Variants in EPN1 observed in about 807,000 individuals in gnomAD.
EPN1 encodes epsin-1.
In EPN1, 25 loss-of-function variants were observed where a neutral mutation model predicts 56.9. The observed-to-expected ratio is 0.44, with a 90% CI of 0.32 to 0.61. The LOEUF is 0.61. Ranked by LOEUF, EPN1 falls within the 20% of genes least tolerant of loss-of-function variation. EPN1 has a pLI of 0.05. For missense variants in EPN1, 785 were observed against 823.7 expected (o/e 0.95, Z 0.58); for synonymous variants, 411 against 361.8 (o/e 1.14, Z -1.54).
At position 55,694,644 on chromosome 19, in the gene EPN1, C is replaced by T. The variant is rs903191048; in HGVS notation, c.1265-82C>T. 6.9e-7 allele frequency: 1 copy of T among 1,458,348 alleles called. No individual in the cohort carries two copies. The highest frequency in any genetic ancestry group is 1.4e-5 in the African/African-American group (1 of 70,824). 90.3% of individuals were successfully genotyped at this position (1,458,348 alleles called of 1,614,324 possible). A position where few individuals can be genotyped will look rare whatever the true frequency, so the allele number is the denominator to read the frequency against. ...TGGGCACCGGGCTCTTTGAAGCGCCCCCTATGATGGCCTATACTGCTCCCG... is the reference window on the plus strand; with the variant it reads ...TGGGCACCGGGCTCTTTGAAGCGCCTCCTATGATGGCCTATACTGCTCCCG... On this transcript the variant is annotated intron_variant, in intron 9 of 10. Transcript: ENST00000270460. The surrounding 1 kb of genome is among the most constrained non-coding windows in gnomAD (Gnocchi z 4.2).
Position 55,704,141 on chromosome 19 carries a change from C to T in EPN1, c.*8785C>T, listed in dbSNP as rs1418051119. 1 of 152,554 alleles carries T rather than the reference C, an allele frequency of 6.6e-6. No individual in the cohort carries two copies. The highest frequency in any genetic ancestry group is 2.4e-5 in the African/African-American group (1 of 41,456). The allele number at this position is 152,554 out of a possible 1,614,324, so 9.5% of individuals were successfully genotyped here. A position where few individuals can be genotyped will look rare whatever the true frequency, so the allele number is the denominator to read the frequency against. On this transcript the variant is annotated 3_prime_UTR_variant, in exon 11 of 11. Transcript: ENST00000270460. ...TCCTCCTGGTCCCCACCTTCCAGCC[C>T]AGCGCGCACACTAGACGGCACGTGC...
At chr19:55,676,747 T>A (rs770703428) in intron 1 of EPN1, 2 of 156,456 alleles carry the variant, frequency 1.3e-5, no homozygotes, top group Non-Finnish European at 2.8e-5. Context: ...ATTTTTCTTA[T>A]CTCTTATTTC....
chr19:55,685,727 T>A, intron 3 of EPN1, 82 bp downstream of exon 3: 1 of 1,502,948 alleles, frequency 6.7e-7, no homozygotes. Flanking sequence ...CGCCCACTGC[T>A]TTCTCTCCCA....
chr19:55,690,220 C>T (rs762417950), intron 6 of EPN1, among the ~76,000 whole-genome samples: 42 of 152,368 alleles, frequency 2.8e-4, no homozygotes, highest in Admixed American at 1.2e-3. Context: ...CACCACCGGC[C>T]GCCACAGCTG....
At chr19:55,690,786 G>A (rs986217353) in intron 6 of EPN1, among the ~76,000 whole-genome samples, 1 of 152,196 alleles carries the variant, frequency 6.6e-6, no homozygotes, top group African/African-American at 2.4e-5. Context: ...CATGGGAGGC[G>A]GCAGACAGCT....
intron 2 of EPN1, among the ~76,000 whole-genome samples, chr19:55,682,856 A>C (rs1309567056): frequency 1.3e-5 from 2 of 152,128 alleles, no homozygotes. Context: ...TCCCAGGTTC[A>C]AGCAATTCTC....
intron 3 of EPN1, 115 bp downstream of exon 3, chr19:55,685,760 C>A: frequency 7.4e-7 from 1 of 1,349,614 alleles, no homozygotes; most frequent in Non-Finnish European, 1.0e-6. Context: ...CGCGGCATCC[C>A]CCTTTGCTTC....
chr19:55,702,805 T>G lies in EPN1; in HGVS notation c.*7449T>G, dbSNP rs1987206676. 6.7e-6 allele frequency: 1 copy of G among 150,026 alleles called. No individual in the cohort carries two copies. Among genetic ancestry groups the G allele is most frequent in the South Asian group, 2.1e-4 (1 of 4,654 alleles). The allele number at this position is 150,026 out of a possible 1,614,324, so 9.3% of individuals were successfully genotyped here. A position where few individuals can be genotyped will look rare whatever the true frequency, so the allele number is the denominator to read the frequency against. On this transcript the variant is annotated 3_prime_UTR_variant, in exon 11 of 11. Transcript: ENST00000270460. ...TCCTTTCTTTTCTTTCACTGTTGTT[T>G]TTTTTTTGAGACGGAGTCTTGCACT... is the stretch of plus-strand genomic sequence containing the variant.
chr19:55,676,186 T>C (rs1985408312), intron 1 of EPN1, among the ~76,000 whole-genome samples: 1 of 152,258 alleles, frequency 6.6e-6, no homozygotes, highest in Non-Finnish European at 1.5e-5. Flanking sequence ...TGCCTGACGG[T>C]ATCTGACACA....
rs1987474979 is a variant in EPN1 at position 55,707,351 on chromosome 19, GAAA to G, written c.*11996_*11998del. ...AGCAGACCCTGACTCTAAAACAAAA[GAAA>G]GAACAAATAACAAATGAAAATAAAT... On this transcript the variant is annotated 3_prime_UTR_variant, in exon 11 of 11. Coordinates refer to ENST00000270460, the MANE Select transcript of EPN1 (RefSeq NM_001130072.2). 1 of 152,128 alleles carries G rather than the reference GAAA, an allele frequency of 6.6e-6. No homozygotes were observed. The highest frequency in any genetic ancestry group is 2.4e-5 in the African/African-American group (1 of 41,386). 9.4% of individuals were successfully genotyped at this position (152,128 alleles called of 1,614,324 possible). A position where few individuals can be genotyped will look rare whatever the true frequency, so the allele number is the denominator to read the frequency against.
rs1168047168 is a variant in EPN1, at chr19:55,689,386, C to T, written c.678+15C>T. 1.3e-6 allele frequency: 2 copies of T among 1,548,484 alleles called. No homozygotes were observed. The highest frequency in any genetic ancestry group is 1.2e-5 in the South Asian group (1 of 83,986). On this transcript the variant is annotated intron_variant, in intron 5 of 10. Coordinates refer to ENST00000270460, the MANE Select transcript of EPN1 (RefSeq NM_001130072.2). The surrounding 1 kb of genome is among the most constrained non-coding windows in gnomAD (Gnocchi z 5.7). ...AGCATGATAAGGTCAGAGCAGCCTC[C>T]CTGTCCCTGCCCCTGCCAGGGGCTC...
Position 55,689,873 on chromosome 19 carries a change from C to T in EPN1, c.685C>T (p.Arg229Trp), listed in dbSNP as rs543696962. 1.6e-5 allele frequency: 25 copies of T among 1,601,058 alleles called. No homozygotes were observed. The highest frequency in any genetic ancestry group is 2.3e-5 in the East Asian group (1 of 44,294). ...LSREEHDKEERIRRGDDLRLQ... is the reference protein window; with the variant it reads ...LSREEHDKEEWIRRGDDLRLQ... ...CGTGCCCGTGCCCCAACAGGAGGAG[C>T]GGATCCGTCGCGGGGATGACCTGCG... The change falls in exon 6 of 11, where the codon CGG (arginine) becomes TGG (tryptophan). Residue 229 changes from arginine to tryptophan, a missense_variant. Arg to Trp is a moderately radical substitution (Grantham distance 101). Around this residue, in one of 2 missense-constraint regions of EPN1, gnomAD observed 650 missense variants for 605.0 expected, o/e 1.07. Coordinates refer to ENST00000270460, the MANE Select transcript of EPN1 (RefSeq NM_001130072.2). The surrounding 1 kb of genome is among the most constrained non-coding windows in gnomAD (Gnocchi z 5.7).
intron 3 of EPN1, among the ~76,000 whole-genome samples, chr19:55,687,362 C>T (rs1042309009): frequency 3.9e-5 from 6 of 151,992 alleles, no homozygotes; most frequent in African/African-American, 9.7e-5. Flanking sequence ...CTGTGGTCCC[C>T]GGGCAGCACC....
At position 55,688,933 on chromosome 19, in the gene EPN1, G is replaced by T. The variant is rs1468345106; in HGVS notation, c.542G>T (p.Ser181Ile). ...GCGGAGCAGGCGTGGCCGCAGAGCA[G>T]CGGGGAGGAGGAGCTGCAGCTCCAG... ...PEAEQAWPQSSGEEELQLQLA... is the reference protein window; with the variant it reads ...PEAEQAWPQSIGEEELQLQLA... Residue 181 changes from serine (S) to isoleucine (I), a missense_variant, in exon 4 of 11, where the codon AGC becomes ATC. By Grantham distance (142) the Ser-to-Ile change is moderately radical. Transcript: ENST00000270460. The T allele has an allele frequency of 6.3e-7, 1 of 1,595,626 alleles. No homozygotes were observed. Among genetic ancestry groups the T allele is most frequent in the Admixed American group, 1.7e-5 (1 of 57,666 alleles).
intron 1 of EPN1, chr19:55,677,046 G>T: frequency 5.4e-6 from 8 of 1,470,288 alleles, no homozygotes; most frequent in Admixed American, 2.1e-5. Context: ...CTGTCTTCAG[G>T]TGCCTGGCTT....
Position 55,675,402 on chromosome 19 carries a change from A to C in EPN1, c.-135A>C, listed in dbSNP as rs774658460. 1 of 151,470 alleles carries C rather than the reference A, an allele frequency of 6.6e-6. No individual in the cohort carries two copies. Among genetic ancestry groups the C allele is most frequent in the East Asian group, 2.0e-4 (1 of 5,120 alleles). 9.4% of individuals were successfully genotyped at this position (151,470 alleles called of 1,614,324 possible). On this transcript the variant is annotated 5_prime_UTR_variant, in exon 1 of 11. It removes an upstream start codon present in the reference 5' UTR. Transcript: ENST00000270460. ...CGAGCGGGGCAGGGGGCTGACCGCC[A>C]TGACCCCCCAGAGCCCGGCGTGAGG...
At chr19:55,690,934 C>T (rs1986501545) in intron 6 of EPN1, among the ~76,000 whole-genome samples, 2 of 151,994 alleles carry the variant, frequency 1.3e-5, no homozygotes, top group African/African-American at 4.8e-5. Context: ...GCTGGGGGAG[C>T]ACCAGATCTC....
In EPN1 at chr19:55,700,160, T is replaced by C. The variant is rs1028062482; in HGVS notation, c.*4804T>C. ...GGATGGTCACGATCTCCTGACCTCGTGATCTGCCCACCTCGGCCTTCCAAA... is the reference window on the plus strand; with the variant it reads ...GGATGGTCACGATCTCCTGACCTCGCGATCTGCCCACCTCGGCCTTCCAAA... On this transcript the variant is annotated 3_prime_UTR_variant, in exon 11 of 11. Transcript: ENST00000270460. The C allele has an allele frequency of 7.0e-6, 1 of 143,600 alleles. No homozygotes were observed. The highest frequency in any genetic ancestry group is 1.5e-5 in the Non-Finnish European group (1 of 68,036). The allele number at this position is 143,600 out of a possible 1,614,324, so 8.9% of individuals were successfully genotyped here. A position where few individuals can be genotyped will look rare whatever the true frequency, so the allele number is the denominator to read the frequency against.
chr19:55,687,901 C>T (rs1358694002), intron 3 of EPN1, among the ~76,000 whole-genome samples: 2 of 152,220 alleles, frequency 1.3e-5, no homozygotes, highest in Non-Finnish European at 2.9e-5. Context: ...CAGACAGCTG[C>T]CTGCTGCGGC....
Sources: gnomAD v4.1 joint callset for allele counts (sites outside exome capture counted in the v4.1 genomes callset) on GRCh38, gnomAD v4.1.1 for gene constraint, gnomAD v4.1.1 regional missense constraint, Gnocchi (gnomAD v3.1) non-coding constraint, MANE v1.5 for transcripts, NCBI Gene and HGNC (gene_info 2026-07-23, HGNC 2026-07-21) for gene names.